FAXC: variants seen among roughly 807,000 people sequenced by gnomAD.
FAXC encodes the protein failed axon connections homolog.
Under a neutral mutation model 41.9 loss-of-function variants are expected in FAXC, and 10 were observed. The observed-to-expected ratio is 0.24, with a 90% confidence interval of 0.15 to 0.41. The LOEUF is 0.41. FAXC is among the 10% of genes least tolerant of loss of function. FAXC has a pLI of 1.00. For synonymous variants in FAXC, 183 were observed against 183.8 expected, an observed-to-expected ratio of 1.00 and a Z score of 0.03; for missense variants, 399 against 510.9, an observed-to-expected ratio of 0.78 and a Z score of 2.11.
intron 2 of FAXC, among the ~76,000 whole-genome samples, chr6:99,338,606 T>A (rs1215347647): frequency 6.6e-6 from 1 of 152,182 alleles, no homozygotes; most frequent in African/African-American, 2.4e-5. Flanking sequence ...CCCAAAGCTG[T>A]CATGGCTAAG....
intron 5 of FAXC, among the ~76,000 whole-genome samples, chr6:99,288,174 T>C (rs975586933): frequency 1.4e-4 from 21 of 152,208 alleles, no homozygotes; most frequent in African/African-American, 5.1e-4. Context: ...AAGAAAAAAT[T>C]CTGTAGAGTC....
chr6:99,310,926 G>A (rs1457616754), intron 4 of FAXC, among the ~76,000 whole-genome samples: 1 of 151,806 alleles, frequency 6.6e-6, no homozygotes, highest in Non-Finnish European at 1.5e-5. Context: ...TCTATGAGGT[G>A]CTGTTGCATG....
chr6:99,278,580 T>TAA lies in FAXC; in HGVS notation c.*2582_*2583dup, dbSNP rs1423322095. ...CTGGGTAGCTTAAGAATGAAGCACA[T>TAA]AAAATTAAATCCTTCCGGATAAAGA... is the stretch of plus-strand genomic sequence containing the variant. On this transcript the variant is annotated 3_prime_UTR_variant, in exon 6 of 6. Transcript: ENST00000389677. 1.3e-5 allele frequency: 2 copies of TAA among 152,208 alleles called. No individual in the cohort carries two copies. The highest frequency in any genetic ancestry group is 2.9e-5 in the Non-Finnish European group (2 of 68,030). 9.4% of individuals were successfully genotyped at this position (152,208 alleles called of 1,614,324 possible).
chr6:99,293,361 A>C (rs1435480299), intron 4 of FAXC, among the ~76,000 whole-genome samples: 1 of 152,014 alleles, frequency 6.6e-6, no homozygotes, highest in Non-Finnish European at 1.5e-5. Context: ...CTGCCCCCAC[A>C]ACTTATATGT....
intron 1 of FAXC, 26 bp downstream of exon 1, chr6:99,349,079 CCT>C (rs1773697607): frequency 6.2e-7 from 1 of 1,609,370 alleles, no homozygotes; most frequent in African/African-American, 1.3e-5. Flanking sequence ...TCTCTGCGCC[CCT>C]GTGCGGGGCC....
chr6:99,311,352 G>C (rs1162765762), intron 4 of FAXC, among the ~76,000 whole-genome samples: 3 of 152,146 alleles, frequency 2.0e-5, no homozygotes, highest in African/African-American at 7.2e-5. Flanking sequence ...CGAGGTGGGT[G>C]GATCACGAGG....
At chr6:99,303,575 A>G (rs1771797737) in intron 4 of FAXC, among the ~76,000 whole-genome samples, 2 of 152,234 alleles carry the variant, frequency 1.3e-5, no homozygotes. Flanking sequence ...CTAACCAGGC[A>G]GCATGACAAG....
intron 4 of FAXC, among the ~76,000 whole-genome samples, chr6:99,292,366 A>G (rs778919588): frequency 3.9e-5 from 6 of 152,168 alleles, no homozygotes; most frequent in East Asian, 1.9e-4. Context: ...ATGGAAAACA[A>G]TAAGTAAAGA....
chr6:99,272,648 G>T lies in FAXC; in HGVS notation c.*8516C>A, dbSNP rs1770455706. 1 of 152,180 alleles carries T rather than the reference G, an allele frequency of 6.6e-6. No individual in the cohort carries two copies. The highest frequency in any genetic ancestry group is 1.5e-5 in the Non-Finnish European group (1 of 68,034). 9.4% of individuals were successfully genotyped at this position (152,180 alleles called of 1,614,324 possible). On this transcript the variant is annotated 3_prime_UTR_variant, in exon 6 of 6. Transcript: ENST00000389677. ...CTGGGCATGAAATAAAAGCAGGAGA[G>T]GATGGGACAGCATATTCCAGAGATC...
chr6:99,320,070 CTTTG>C (rs1398035546), intron 4 of FAXC, among the ~76,000 whole-genome samples: 2 of 152,282 alleles, frequency 1.3e-5, no homozygotes, highest in East Asian at 3.9e-4. Context: ...GAGCAGGCAT[CTTTG>C]TTTGGTATTT....
chr6:99,321,808 A>G (rs1772598604), intron 4 of FAXC, among the ~76,000 whole-genome samples: 1 of 152,222 alleles, frequency 6.6e-6, no homozygotes, highest in Non-Finnish European at 1.5e-5. Flanking sequence ...CCAACCAGAA[A>G]TGTCCCGAAA....
At chr6:99,308,656 G>A (rs1772031910) in intron 4 of FAXC, among the ~76,000 whole-genome samples, 1 of 149,850 alleles carries the variant, frequency 6.7e-6, no homozygotes, top group Non-Finnish European at 1.5e-5. Flanking sequence ...ATCAATACAG[G>A]TACTTTCCAA....
At position 99,284,598 on chromosome 6, in the gene FAXC, T is replaced by TGTGTGTGTGTGTGTGTGTGA. The variant is rs34495212; in HGVS notation, c.941-3146_941-3145insTCACACACACACACACACAC. Among the ~76,000 whole-genome samples the TGTGTGTGTGTGTGTGTGTGA allele has an allele frequency of 2.1e-4, 30 of 142,948 alleles. 1 individual carries two copies. The highest frequency in any genetic ancestry group is 8.3e-4 in the East Asian group (4 of 4,812). The allele number at this position is 142,948 out of a possible 152,430, so 93.8% of individuals were successfully genotyped here. A position where few individuals can be genotyped will look rare whatever the true frequency, so the allele number is the denominator to read the frequency against. ...GTGTGTGTGTGTGTGTGTGTGTGTG[T>TGTGTGTGTGTGTGTGTGTGA]GATAAGCCTGTGTTAATATAAATGC... is the stretch of plus-strand genomic sequence containing the variant. On this transcript the variant is annotated intron_variant, in intron 5 of 5. Transcript: ENST00000389677.
chr6:99,308,453 A>G (rs181900976), intron 4 of FAXC, among the ~76,000 whole-genome samples: 1 of 152,334 alleles, frequency 6.6e-6, no homozygotes, highest in East Asian at 1.9e-4. Flanking sequence ...CACTTTGTCA[A>G]TTTGTGCATC....
intron 1 of FAXC, among the ~76,000 whole-genome samples, chr6:99,345,901 A>G (rs1049016655): frequency 6.6e-6 from 1 of 152,238 alleles, no homozygotes; most frequent in South Asian, 2.1e-4. Context: ...ATTTTAAAAT[A>G]TGGTGCTAAA....
chr6:99,349,331 C>T lies in FAXC; in HGVS notation c.42G>A (p.Val14=). ...TGCTCTGGTTCCAGCTCAGATCCAC[C>T]ACGCACGGCCTGGACGAAGCAAAGC... The part of the protein sequence containing the change: ...GVGFASSRPC[V]VDLSWNQSIS... Residue 14 remains valine (V), a synonymous_variant, in exon 1 of 6, where the codon GTG becomes GTA. Transcript: ENST00000389677. 6.2e-7 allele frequency: 1 copy of T among 1,612,898 alleles called. No individual in the cohort carries two copies. Among genetic ancestry groups the T allele is most frequent in the South Asian group, 1.1e-5 (1 of 91,090 alleles).
chr6:99,284,559 C>CTGTGTGTGTGTGTGTGTGTG, intron 5 of FAXC, among the ~76,000 whole-genome samples: 1 of 118,914 alleles, frequency 8.4e-6, no homozygotes, highest in East Asian at 2.2e-4. Context: ...TGTGGAGTGT[C>CTGTGTGTGTGTGTGTGTGTG]TGTGTGTGTG....
intron 4 of FAXC, among the ~76,000 whole-genome samples, chr6:99,312,999 T>A (rs373236464): frequency 6.6e-6 from 1 of 152,318 alleles, no homozygotes; most frequent in South Asian, 2.1e-4. Flanking sequence ...TCTCTGATAT[T>A]AAAGAGGTTG....
intron 4 of FAXC, among the ~76,000 whole-genome samples, chr6:99,305,939 A>G (rs79668951): frequency 0.019 from 2,891 of 152,288 alleles, 44 homozygotes; most frequent in Non-Finnish European, 0.027. Context: ...CGGAGTTTAC[A>G]TCACATGAAG....
Sources: allele counts gnomAD v4.1 joint callset (sites outside exome capture counted in the v4.1 genomes callset), GRCh38; gene constraint gnomAD v4.1.1; transcripts MANE v1.5; gene names NCBI Gene and HGNC (gene_info 2026-07-23, HGNC 2026-07-21).